Variants in ABCB4 observed in about 807,000 individuals in gnomAD.
The protein encoded by ABCB4 is phosphatidylcholine translocator ABCB4.
In ABCB4, 76 loss-of-function variants were observed where a neutral mutation model predicts 145.7. The observed-to-expected ratio is 0.52, with a 90% CI of 0.43 to 0.63. The LOEUF (loss-of-function observed/expected upper bound fraction) is 0.63. Ranked by LOEUF, ABCB4 falls within the 30% of genes least tolerant of loss-of-function variation. The pLI is 0.00. For synonymous variants in ABCB4, 517 were observed against 566.8 expected (o/e 0.91, Z 1.25); for missense variants, 1,234 against 1,553.1 (o/e 0.79, Z 3.45).
intron 13 of ABCB4, 92 bp from the exon 14 acceptor site, chr7:87,439,929 T>G: frequency 6.6e-7 from 1 of 1,524,064 alleles, no homozygotes; most frequent in Non-Finnish European, 9.1e-7. Context: ...ACATGGAGCT[T>G]TGTCTTAACT....
In ABCB4 at chr7:87,408,049, C is replaced by T; in HGVS notation, c.3267G>A (p.Leu1089=). ...GAAATGTGCTCACCACTGTCCCCGC[C>T]AAGGGGTCGTAGAACCGCTCCAGGA... ...VQLLERFYDP[L]AGTVLLDGQE... Residue 1089 remains leucine (L), a synonymous_variant, in exon 25 of 28, where the codon TTG becomes TTA. Coordinates refer to ENST00000649586, the MANE Select transcript of ABCB4 (RefSeq NM_000443.4). 1 of 1,613,924 alleles carries T rather than the reference C, an allele frequency of 6.2e-7. No homozygotes were observed. The highest frequency in any genetic ancestry group is 1.1e-5 in the South Asian group (1 of 91,072).
In ABCB4 at chr7:87,440,334, C is replaced by T. The variant is rs773755808; in HGVS notation, c.1425G>A (p.Val475=). 6.8e-6 allele frequency: 11 copies of T among 1,614,046 alleles called. No individual in the cohort carries two copies. The highest frequency in any genetic ancestry group is 4.0e-5 in the African/African-American group (3 of 74,940). The change falls in exon 13 of 28, where the codon GTG becomes GTA. Residue 475 remains valine (V), a synonymous_variant. Transcript: ENST00000649586. ...TGGAAAACAGCACCGGCTCCTGACT[C>T]ACCACACCAATGATTTCCCTCAGAT... The part of the protein sequence containing the change: ...VNYLREIIGV[V]SQEPVLFSTT...
In ABCB4 at chr7:87,475,649, T is replaced by G; in HGVS notation, c.-22A>C. 4 of 646,260 alleles carry G rather than the reference T, an allele frequency of 6.2e-6. No individual in the cohort carries two copies. Among genetic ancestry groups the G allele is most frequent in the East Asian group, 2.8e-5 (1 of 35,730 alleles). The allele number at this position is 646,260 out of a possible 1,614,324, so 40.0% of individuals were successfully genotyped here. ...CCTCTCTCACCTCGAACCTCGCGCG[T>G]GTCTGGCAGGGCCTCTGGACGCGCG... On this transcript the variant is annotated 5_prime_UTR_variant, in exon 1 of 28. Coordinates refer to ENST00000649586, the MANE Select transcript of ABCB4 (RefSeq NM_000443.4).
chr7:87,441,321 A>G (rs1366842345), intron 12 of ABCB4, among the ~76,000 whole-genome samples: 3 of 152,194 alleles, frequency 2.0e-5, no homozygotes, highest in Admixed American at 6.5e-5. Context: ...GTAATTTACT[A>G]GCACTGGGTT....
At chr7:87,367,914 A>G in the ABCB4 span, among the ~76,000 whole-genome samples, 1 of 151,906 alleles carries the variant, frequency 6.6e-6, no homozygotes, top group Non-Finnish European at 1.5e-5. Context: ...CCTTCTCTTC[A>G]CCCTTGTAAT....
At chr7:87,427,036 A>G in intron 15 of ABCB4, 116 bp from the exon 16 acceptor site, 1 of 900,430 alleles carries the variant, frequency 1.1e-6, no homozygotes, top group Non-Finnish European at 1.7e-6. Flanking sequence ...GGAATATTAC[A>G]TGTATCAAGA....
intron 17 of ABCB4, among the ~76,000 whole-genome samples, chr7:87,423,107 CA>C (rs1460470613): frequency 6.6e-6 from 1 of 152,038 alleles, no homozygotes; most frequent in Non-Finnish European, 1.5e-5. Context: ...TCCAACATCA[CA>C]AAAATAATAA....
chr7:87,470,517 AT>A (rs779353678), intron 3 of ABCB4, among the ~76,000 whole-genome samples: 21 of 152,200 alleles, frequency 1.4e-4, no homozygotes, highest in Non-Finnish European at 2.9e-4. Context: ...ACTCAAACAA[AT>A]TTACAAGAAA....
At chr7:87,382,291 G>T in the ABCB4 span, 3 of 1,402,012 alleles carry the variant, frequency 2.1e-6, no homozygotes, top group Admixed American at 2.0e-5. Context: ...TTAAAATTAT[G>T]CCTTTAACAC....
In ABCB4 at chr7:87,443,442, G is replaced by T. The variant is rs916276498; in HGVS notation, c.1233C>A (p.Ile411=). Residue 411 remains isoleucine (I), a splice_region_variant and synonymous_variant, in exon 12 of 28, where the codon ATC becomes ATA. Transcript: ENST00000649586. ...GCACCTTCAGGTTGAGGCCCTTCAAGATCTGTAAGGAAAATGAGAAAAAAG... is the reference window on the plus strand; with the variant it reads ...GCACCTTCAGGTTGAGGCCCTTCAATATCTGTAAGGAAAATGAGAAAAAAG... The part of the protein sequence containing the change: ...FSYPSRANVK[I]LKGLNLKVQS... 10 of 1,613,548 alleles carry T rather than the reference G, an allele frequency of 6.2e-6. No individual in the cohort carries two copies. The highest frequency in any genetic ancestry group is 1.3e-5 in the African/African-American group (1 of 74,732).
intron 14 of ABCB4, among the ~76,000 whole-genome samples, chr7:87,439,259 AATAG>A (rs1044090373): frequency 2.6e-5 from 4 of 152,228 alleles, no homozygotes; most frequent in African/African-American, 9.6e-5. Flanking sequence ...CACCTACATG[AATAG>A]ATAAAGATGA....
At chr7:87,452,784 T>TA in intron 6 of ABCB4, 160 bp downstream of exon 6, 1 of 825,304 alleles carries the variant, frequency 1.2e-6, no homozygotes. Context: ...TGCAATGGCA[T>TA]AGGCTATAGA....
chr7:87,460,664 A>ATTT (rs1812397495), intron 4 of ABCB4, among the ~76,000 whole-genome samples: 1 of 141,152 alleles, frequency 7.1e-6, no homozygotes, highest in Non-Finnish European at 1.5e-5. Flanking sequence ...TTATTTATTT[A>ATTT]TTTTGAGACA....
chr7:87,455,801 GTCGTGTTT>G (rs61682991), intron 4 of ABCB4, among the ~76,000 whole-genome samples: 34,744 of 151,676 alleles, frequency 0.23, 5,295 homozygotes, highest in African/African-American at 0.44. Flanking sequence ...TAGCCCAGGG[GTCGTGTTT>G]TCGTGTTTTC....
At chr7:87,430,831 T>C (rs1177985494) in intron 15 of ABCB4, among the ~76,000 whole-genome samples, 1 of 152,114 alleles carries the variant, frequency 6.6e-6, no homozygotes, top group Non-Finnish European at 1.5e-5. Flanking sequence ...CTGGCCTGCT[T>C]TTTCCTTTTA....
At chr7:87,372,034 T>C in the ABCB4 span, among the ~76,000 whole-genome samples, 1 of 150,186 alleles carries the variant, frequency 6.7e-6, no homozygotes, top group African/African-American at 2.4e-5. Flanking sequence ...AAAAAAGCTA[T>C]ATCTAGTCAA....
intron 13 of ABCB4, 72 bp from the exon 14 acceptor site, chr7:87,439,909 C>T: frequency 3.2e-6 from 5 of 1,582,440 alleles, no homozygotes; most frequent in Non-Finnish European, 4.3e-6. Flanking sequence ...TATAGAACTA[C>T]ATAAAGACAA....
the ABCB4 span, among the ~76,000 whole-genome samples, chr7:87,395,835 A>G: frequency 1.3e-5 from 2 of 152,164 alleles, no homozygotes; most frequent in Non-Finnish European, 2.9e-5. Context: ...ATCGGGGGTT[A>G]TAAGGACCTT....
At chr7:87,440,859 G>A (rs1810934816) in intron 12 of ABCB4, among the ~76,000 whole-genome samples, 1 of 152,020 alleles carries the variant, frequency 6.6e-6, no homozygotes, top group South Asian at 2.1e-4. Context: ...TCCTGCCTCA[G>A]CCTCGAGAGT....
Sources: allele counts gnomAD v4.1 joint callset (sites outside exome capture counted in the v4.1 genomes callset), GRCh38; gene constraint gnomAD v4.1.1; transcripts MANE v1.5; gene names NCBI Gene and HGNC (gene_info 2026-07-23, HGNC 2026-07-21).